Variants in WWOX observed in about 807,000 individuals in gnomAD.
WWOX encodes the protein WW domain containing oxidoreductase, also known as WW domain-containing oxidoreductase.
WWOX carries 69 observed loss-of-function variants against 46.2 expected under a neutral mutation model. The ratio of observed to expected loss-of-function variants is 1.49; its 90% CI spans 1.23 to 1.82. WWOX has a LOEUF of 1.82. Among genes scored for constraint, WWOX ranks in the 40% most tolerant of loss-of-function variants. The probability of loss-of-function intolerance (pLI) is 0.00; values close to 1 mark genes in which losing one functional copy is unlikely to be tolerated. For missense variants in WWOX, 919 were observed against 542.6 expected (o/e 1.69, Z -6.89); for synonymous variants, 359 against 202.6 (o/e 1.77, Z -6.56).
At chr16:79,135,948 A>G (rs1189177202) in intron 8 of WWOX, among the ~76,000 whole-genome samples, 1 of 152,180 alleles carries the variant, frequency 6.6e-6, no homozygotes, top group Non-Finnish European at 1.5e-5. Flanking sequence ...AATTAAGGAA[A>G]CCATCACCAC....
chr16:78,825,626 G>C (rs994437030), intron 8 of WWOX: 1 of 517,416 alleles, frequency 1.9e-6, no homozygotes, highest in Non-Finnish European at 3.8e-6. Context: ...CTGTGCGGAG[G>C]GCCTGCGATG....
At chr16:78,984,244 C>T (rs955506973) in intron 8 of WWOX, among the ~76,000 whole-genome samples, 4 of 152,100 alleles carry the variant, frequency 2.6e-5, no homozygotes, top group Admixed American at 1.3e-4. Context: ...TACCCCTGTA[C>T]ATGTTTGCCA....
intron 8 of WWOX, among the ~76,000 whole-genome samples, chr16:78,753,017 G>C (rs537136924): frequency 1.5e-3 from 221 of 152,248 alleles, no homozygotes; most frequent in African/African-American, 5.2e-3. Flanking sequence ...TCTTAGGGCT[G>C]GGCACGGTAG....
At chr16:78,198,422 A>G (rs951200689) in intron 5 of WWOX, among the ~76,000 whole-genome samples, 1 of 152,176 alleles carries the variant, frequency 6.6e-6, no homozygotes, top group Non-Finnish European at 1.5e-5. Flanking sequence ...ATAGCAAGCA[A>G]TGGCCTCTCA....
At chr16:79,109,126 T>C (rs1050251812) in intron 8 of WWOX, among the ~76,000 whole-genome samples, 2 of 152,138 alleles carry the variant, frequency 1.3e-5, no homozygotes, top group African/African-American at 4.8e-5. Flanking sequence ...TGACAATAAA[T>C]GAGAACAATA....
chr16:78,381,078 C>A (rs1303690407), intron 5 of WWOX, among the ~76,000 whole-genome samples: 1 of 152,168 alleles, frequency 6.6e-6, no homozygotes, highest in African/African-American at 2.4e-5. Context: ...ATTGGACATA[C>A]TGGGCTGTAG....
At chr16:79,149,037 C>G (rs934646985) in intron 8 of WWOX, among the ~76,000 whole-genome samples, 2 of 151,386 alleles carry the variant, frequency 1.3e-5, no homozygotes, top group African/African-American at 4.9e-5. Flanking sequence ...TTTTTATTGC[C>G]TTATTGTAGT....
intron 8 of WWOX, among the ~76,000 whole-genome samples, chr16:78,827,052 G>T (rs991411260): frequency 6.6e-6 from 1 of 152,206 alleles, no homozygotes; most frequent in East Asian, 1.9e-4. Context: ...TGGTGCAAGG[G>T]AACCAGAGAG....
intron 5 of WWOX, among the ~76,000 whole-genome samples, chr16:78,375,491 T>G (rs539558908): frequency 4.6e-5 from 7 of 152,368 alleles, no homozygotes; most frequent in African/African-American, 1.7e-4. Flanking sequence ...TCAGTGCTAT[T>G]GACTGTGCAT....
intron 4 of WWOX, among the ~76,000 whole-genome samples, chr16:78,157,615 A>G (rs1394433819): frequency 6.6e-6 from 1 of 152,216 alleles, no homozygotes; most frequent in African/African-American, 2.4e-5. Context: ...TTTAGGTAAT[A>G]AGTAAGTATT....
intron 8 of WWOX, among the ~76,000 whole-genome samples, chr16:78,545,500 C>G (rs983537314): frequency 2.6e-5 from 4 of 152,180 alleles, no homozygotes; most frequent in Non-Finnish European, 5.9e-5. Context: ...CGACAGGTGC[C>G]TGCAACCATG....
intron 8 of WWOX, among the ~76,000 whole-genome samples, chr16:78,833,516 C>T (rs1446161362): frequency 2.0e-5 from 3 of 152,114 alleles, no homozygotes; most frequent in Admixed American, 6.5e-5. Flanking sequence ...GTTACAATAC[C>T]TACAACGTGC....
At chr16:78,539,963 C>G (rs769661980) in intron 8 of WWOX, among the ~76,000 whole-genome samples, 5 of 151,632 alleles carry the variant, frequency 3.3e-5, no homozygotes, top group Non-Finnish European at 4.4e-5. Flanking sequence ...CACAGTGTTT[C>G]TAGCTCCCCT....
chr16:78,106,421 G>GTTT lies in WWOX; in HGVS notation c.108-1986_108-1984dup, dbSNP rs34551316. Among the ~76,000 whole-genome samples the GTTT allele has an allele frequency of 6.5e-3, 797 of 122,966 alleles. 13 individuals carry two copies. Among genetic ancestry groups the GTTT allele is most frequent in the South Asian group, 0.012 (44 of 3,682 alleles). The allele number at this position is 122,966 out of a possible 152,430, so 80.7% of individuals were successfully genotyped here. On this transcript the variant is annotated intron_variant, in intron 1 of 8. Transcript: ENST00000566780. ...CAGAGAGTCAGAACGGTTTTTTTTTGTTTTTTTTTTTTTTTTTTGAGATGG... is the reference window on the plus strand; with the variant it reads ...CAGAGAGTCAGAACGGTTTTTTTTTGTTTTTTTTTTTTTTTTTTTTTGAGATGG...
intron 8 of WWOX, among the ~76,000 whole-genome samples, chr16:78,756,662 C>T (rs2049656192): frequency 6.6e-6 from 1 of 152,026 alleles, no homozygotes; most frequent in South Asian, 2.1e-4. Flanking sequence ...TTTGTTTCAC[C>T]CTGTTTGTTC....
chr16:79,096,617 C>A (rs911455518), intron 8 of WWOX, among the ~76,000 whole-genome samples: 11 of 152,188 alleles, frequency 7.2e-5, no homozygotes, highest in Non-Finnish European at 1.5e-4. Flanking sequence ...CTCTGACCCC[C>A]TTCACCTGCT....
intron 5 of WWOX, among the ~76,000 whole-genome samples, chr16:78,239,165 C>A (rs1029468301): frequency 9.2e-5 from 14 of 152,214 alleles, no homozygotes; most frequent in African/African-American, 3.4e-4. Context: ...TTGCCTCAGC[C>A]TCCCCATTCT....
At chr16:79,073,448 G>T (rs1327708552) in intron 8 of WWOX, among the ~76,000 whole-genome samples, 1 of 152,066 alleles carries the variant, frequency 6.6e-6, no homozygotes, top group African/African-American at 2.4e-5. Flanking sequence ...CCAAAGTGCT[G>T]GGGTTTCAAG....
chr16:78,704,725 G>A (rs1175179433), intron 8 of WWOX, among the ~76,000 whole-genome samples: 1 of 152,102 alleles, frequency 6.6e-6, no homozygotes, highest in East Asian at 1.9e-4. Context: ...CCGAGCTGCT[G>A]GGTGAATTCT....
Sources: allele counts gnomAD v4.1 joint callset (sites outside exome capture counted in the v4.1 genomes callset), GRCh38; gene constraint gnomAD v4.1.1; transcripts MANE v1.5; gene names NCBI Gene and HGNC (gene_info 2026-07-23, HGNC 2026-07-21).